Variants in EXOC6B observed in about 807,000 individuals in gnomAD.
EXOC6B encodes exocyst complex component 6B.
EXOC6B carries 54 observed loss-of-function variants against 113.5 expected under a neutral mutation model. That is an observed-to-expected ratio of 0.48 (90% CI 0.38 to 0.60). The LOEUF is 0.60. Ranked by LOEUF, EXOC6B falls within the 20% of genes least tolerant of loss-of-function variation. The pLI, the probability that EXOC6B is intolerant of heterozygous loss-of-function variation, is 0.00. For missense variants in EXOC6B, 797 were observed against 977.5 expected, an observed-to-expected ratio of 0.82 and a Z score of 2.46; for synonymous variants, 357 against 339.0, an observed-to-expected ratio of 1.05 and a Z score of -0.58.
At chr2:72,564,503 C>A (rs1310325081) in intron 7 of EXOC6B, among the ~76,000 whole-genome samples, 1 of 152,146 alleles carries the variant, frequency 6.6e-6, no homozygotes, top group African/African-American at 2.4e-5. Context: ...ATGTACCAGG[C>A]ATTTTTCTGC....
chr2:72,557,095 A>C (rs937471657), intron 8 of EXOC6B, among the ~76,000 whole-genome samples: 10 of 151,910 alleles, frequency 6.6e-5, no homozygotes, highest in African/African-American at 2.4e-4. Context: ...AATGCAAACT[A>C]GATCCATAGC....
chr2:72,496,947 ACAT>A (rs1558732460), intron 13 of EXOC6B, among the ~76,000 whole-genome samples: 1 of 114,444 alleles, frequency 8.7e-6, no homozygotes, highest in African/African-American at 3.5e-5. Flanking sequence ...ATATAAATGT[ACAT>A]TATTATTATT....
At chr2:72,493,729 A>G (rs915875401) in intron 15 of EXOC6B, among the ~76,000 whole-genome samples, 1 of 152,146 alleles carries the variant, frequency 6.6e-6, no homozygotes, top group Non-Finnish European at 1.5e-5. Flanking sequence ...TTTCAAAAAG[A>G]AAGTTTTACG....
intron 20 of EXOC6B, among the ~76,000 whole-genome samples, chr2:72,196,453 T>A (rs1168862287): frequency 1.3e-5 from 2 of 152,194 alleles, no homozygotes; most frequent in Non-Finnish European, 2.9e-5. Context: ...CTTCTTAAGA[T>A]CTTTAGCCCA....
intron 6 of EXOC6B, among the ~76,000 whole-genome samples, chr2:72,577,973 T>A (rs1318264020): frequency 6.6e-6 from 1 of 152,116 alleles, no homozygotes; most frequent in African/African-American, 2.4e-5. Context: ...TTTTACACAC[T>A]TAACCACCTC....
At chr2:72,589,149 T>C (rs1455009176) in intron 6 of EXOC6B, among the ~76,000 whole-genome samples, 4 of 151,932 alleles carry the variant, frequency 2.6e-5, no homozygotes, top group Admixed American at 2.0e-4. Flanking sequence ...AATAAAAAAA[T>C]TTGAGCCTCT....
intron 8 of EXOC6B, among the ~76,000 whole-genome samples, chr2:72,549,170 T>A (rs1258027738): frequency 1.3e-5 from 2 of 152,174 alleles, no homozygotes; most frequent in Admixed American, 6.5e-5. Context: ...TGATAAGACA[T>A]GGAAGACCGT....
At chr2:72,253,090 C>T (rs1005336259) in intron 20 of EXOC6B, among the ~76,000 whole-genome samples, 6 of 151,988 alleles carry the variant, frequency 3.9e-5, no homozygotes, top group East Asian at 1.9e-4. Flanking sequence ...AAAAAGCATA[C>T]GAAAAAATGC....
At chr2:72,251,556 G>A (rs1188666130) in intron 20 of EXOC6B, among the ~76,000 whole-genome samples, 1 of 152,122 alleles carries the variant, frequency 6.6e-6, no homozygotes, top group African/African-American at 2.4e-5. Flanking sequence ...TTTGAAGACA[G>A]CATTTTAATT....
At chr2:72,261,696 A>T (rs955890991) in intron 20 of EXOC6B, among the ~76,000 whole-genome samples, 2 of 152,186 alleles carry the variant, frequency 1.3e-5, no homozygotes, top group Non-Finnish European at 2.9e-5. Flanking sequence ...AAGTAAGTAT[A>T]TACATATAGT....
At chr2:72,761,001 G>A (rs573608647) in intron 1 of EXOC6B, among the ~76,000 whole-genome samples, 9 of 152,198 alleles carry the variant, frequency 5.9e-5, no homozygotes, top group East Asian at 3.9e-4. Context: ...CCAACACGGC[G>A]AAACCCCATC....
intron 1 of EXOC6B, among the ~76,000 whole-genome samples, chr2:72,778,827 T>C (rs992746732): frequency 1.3e-5 from 2 of 152,160 alleles, no homozygotes; most frequent in Non-Finnish European, 2.9e-5. Flanking sequence ...GATCACCGAG[T>C]TCCAAAATTC....
intron 18 of EXOC6B, among the ~76,000 whole-genome samples, chr2:72,393,892 G>A (rs1050898853): frequency 1.3e-5 from 2 of 152,058 alleles, no homozygotes; most frequent in African/African-American, 4.8e-5. Context: ...ACTAATAATA[G>A]TGTCAGAGCA....
At chr2:72,467,770 TTTTA>T (rs974284698) in intron 17 of EXOC6B, among the ~76,000 whole-genome samples, 75 of 151,926 alleles carry the variant, frequency 4.9e-4, no homozygotes, top group African/African-American at 1.6e-3. Context: ...TGCCATTCTT[TTTTA>T]TTTATTTTTT....
chr2:72,382,401 T>C (rs562062533), intron 18 of EXOC6B, among the ~76,000 whole-genome samples: 5 of 152,226 alleles, frequency 3.3e-5, no homozygotes, highest in Non-Finnish European at 7.3e-5. Flanking sequence ...GTGTCTGTTT[T>C]TGTACCAGTA....
chr2:72,372,035 A>T (rs2105031039), intron 19 of EXOC6B, among the ~76,000 whole-genome samples: 1 of 152,318 alleles, frequency 6.6e-6, no homozygotes, highest in African/African-American at 2.4e-5. Context: ...ACAGTGAACA[A>T]TCTGAAGAAG....
At position 72,465,271 on chromosome 2, in the gene EXOC6B, C is replaced by G. The variant is rs778741502; in HGVS notation, c.1869G>C (p.Gln623His). The change falls in exon 18 of 22, where the codon CAG becomes CAC. Residue 623 changes from glutamine (Q) to histidine (H), a missense_variant. Transcript: ENST00000272427. ...NLNQKIDQFL[Q>H]LADYDWMTGD... ...CGGTCATCCAGTCATAGTCTGCCAG[C>G]TGTAGGAACTGGTCAATCTTCTGGT... 1 of 1,609,754 alleles carries G rather than the reference C, an allele frequency of 6.2e-7. No homozygotes were observed. Among genetic ancestry groups the G allele is most frequent in the Non-Finnish European group, 8.5e-7 (1 of 1,177,898 alleles).
At chr2:72,251,693 T>C (rs887168035) in intron 20 of EXOC6B, among the ~76,000 whole-genome samples, 1 of 152,238 alleles carries the variant, frequency 6.6e-6, no homozygotes, top group African/African-American at 2.4e-5. Flanking sequence ...ACAGAGAATG[T>C]ATTGATTATA....
intron 2 of EXOC6B, among the ~76,000 whole-genome samples, chr2:72,738,079 G>A (rs1473884803): frequency 6.6e-6 from 1 of 151,842 alleles, no homozygotes; most frequent in Non-Finnish European, 1.5e-5. Flanking sequence ...CTTATTCTTA[G>A]GTGCCTGCCA....
Sources: allele counts gnomAD v4.1 joint callset (sites outside exome capture counted in the v4.1 genomes callset), GRCh38; gene constraint gnomAD v4.1.1; transcripts MANE v1.5; gene names NCBI Gene and HGNC (gene_info 2026-07-23, HGNC 2026-07-21).